WDR70: variants seen among roughly 807,000 people sequenced by gnomAD.
WDR70 encodes the protein WD repeat domain 70.
A neutral mutation model predicts 88.6 loss-of-function variants in WDR70; 53 were observed. The observed-to-expected ratio is 0.60, with a 90% CI of 0.48 to 0.75. The LOEUF (loss-of-function observed/expected upper bound fraction) is 0.75, where lower values mean the gene tolerates loss of function less well. Among genes scored for constraint, WDR70 ranks in the 30% least tolerant of loss-of-function variants. The pLI is 0.00. For synonymous variants in WDR70, 280 were observed against 270.0 expected, an observed-to-expected ratio of 1.04 and a Z score of -0.36; for missense variants, 610 against 823.2, an observed-to-expected ratio of 0.74 and a Z score of 3.17.
In WDR70 at chr5:37,437,913, T is replaced by G; in HGVS notation, c.493-9T>G. The G allele has an allele frequency of 6.2e-7, 1 of 1,601,870 alleles. No individual in the cohort carries two copies. Among genetic ancestry groups the G allele is most frequent in the Non-Finnish European group, 8.5e-7 (1 of 1,173,564 alleles). On this transcript the variant is annotated splice_polypyrimidine_tract_variant and intron_variant, in intron 5 of 17. Transcript: ENST00000265107. ...TTACCATTAATGTCATGGGGTTTTC[T>G]TGTTTCAGAATCCTGTTCACAAGAT...
At chr5:37,449,590 C>CAAA (rs376148041) in intron 7 of WDR70, among the ~76,000 whole-genome samples, 21 of 85,690 alleles carry the variant, frequency 2.5e-4, no homozygotes, top group African/African-American at 5.6e-4. Flanking sequence ...AATTTTGTCT[C>CAAA]AAAAAAAAAA....
At chr5:37,571,186 A>G (rs1156779220) in intron 9 of WDR70, among the ~76,000 whole-genome samples, 2 of 152,222 alleles carry the variant, frequency 1.3e-5, no homozygotes, top group Admixed American at 6.5e-5. Context: ...AAGTCACTTC[A>G]AAACCGAAAT....
chr5:37,665,028 G>A (rs190730165), intron 10 of WDR70, among the ~76,000 whole-genome samples: 16 of 152,160 alleles, frequency 1.1e-4, no homozygotes, highest in Non-Finnish European at 1.6e-4. Flanking sequence ...TGTTCATATT[G>A]TCAAGTGTAC....
chr5:37,616,277 C>T (rs1454617631), intron 10 of WDR70, among the ~76,000 whole-genome samples: 10 of 151,932 alleles, frequency 6.6e-5, no homozygotes, highest in Non-Finnish European at 1.2e-4. Flanking sequence ...CCACCATGCC[C>T]GGCTAATTTT....
chr5:37,746,524 A>G (rs1748641965), intron 17 of WDR70, among the ~76,000 whole-genome samples: 2 of 152,234 alleles, frequency 1.3e-5, no homozygotes, highest in African/African-American at 4.8e-5. Flanking sequence ...ATAAACTGCT[A>G]GCTAGACTAA....
intron 8 of WDR70, among the ~76,000 whole-genome samples, chr5:37,481,580 A>T (rs1016168391): frequency 6.6e-6 from 1 of 152,080 alleles, no homozygotes; most frequent in Middle Eastern, 3.2e-3. Context: ...GGCTGCACAC[A>T]GCAGGGGGTT....
At chr5:37,379,610 G>T (rs1283630024) in intron 2 of WDR70, 56 bp downstream of exon 2, 58 of 1,586,926 alleles carry the variant, frequency 3.7e-5, no homozygotes, top group Admixed American at 5.0e-5. Flanking sequence ...TTGAAGATCC[G>T]CAGAGTGGGA....
chr5:37,549,739 C>T (rs946293306), intron 9 of WDR70, among the ~76,000 whole-genome samples: 16 of 152,136 alleles, frequency 1.1e-4, no homozygotes, highest in Non-Finnish European at 2.1e-4. Flanking sequence ...AGGCTTTCAG[C>T]TTTCTCCTAT....
chr5:37,507,938 C>G (rs946029287), intron 8 of WDR70, among the ~76,000 whole-genome samples: 5 of 152,014 alleles, frequency 3.3e-5, no homozygotes, highest in African/African-American at 1.2e-4. Context: ...TTTTATTTCT[C>G]CTTTTACAAT....
intron 9 of WDR70, among the ~76,000 whole-genome samples, chr5:37,524,885 C>G (rs1269034469): frequency 6.6e-6 from 1 of 152,064 alleles, no homozygotes; most frequent in Non-Finnish European, 1.5e-5. Context: ...GAAAAGAAGG[C>G]CATTACATAA....
intron 9 of WDR70, among the ~76,000 whole-genome samples, chr5:37,602,050 C>A (rs1743898480): frequency 7.1e-6 from 1 of 141,186 alleles, no homozygotes; most frequent in Admixed American, 7.3e-5. Flanking sequence ...AGGGGAACGT[C>A]ACACACTGGG....
chr5:37,660,778 TG>T (rs760236305), intron 10 of WDR70, among the ~76,000 whole-genome samples: 8 of 152,106 alleles, frequency 5.3e-5, no homozygotes, highest in African/African-American at 9.7e-5. Context: ...AGATCTGTGC[TG>T]TCCCATATAT....
rs199828015 is a variant in WDR70, at chr5:37,736,627, T to C, written c.1877+9582T>C. Among the ~76,000 whole-genome samples, 178 of 123,636 alleles carry C rather than the reference T, an allele frequency of 1.4e-3. 2 individuals are homozygous for C. Among genetic ancestry groups the C allele is most frequent in the African/African-American group, 4.0e-3 (137 of 33,894 alleles). The allele number at this position is 123,636 out of a possible 152,430, so 81.1% of individuals were successfully genotyped here. On this transcript the variant is annotated intron_variant, in intron 17 of 17. Transcript: ENST00000265107. The stretch of plus-strand genomic sequence containing the variant: ...CGGTGTATGTAGTTTTTTTTTTTTT[T>C]CTTTTTTTTTTGCGGTGGGGGGGTT...
chr5:37,546,083 A>C (rs1373893718), intron 9 of WDR70, among the ~76,000 whole-genome samples: 1 of 152,206 alleles, frequency 6.6e-6, no homozygotes, highest in African/African-American at 2.4e-5. Flanking sequence ...TGTATTGATC[A>C]GGGAAGAGTT....
chr5:37,442,079 C>T (rs1351285195), intron 6 of WDR70, among the ~76,000 whole-genome samples: 3 of 146,264 alleles, frequency 2.1e-5, no homozygotes, highest in Non-Finnish European at 4.5e-5. Context: ...CACCTTGTTG[C>T]CCAGTTGGAG....
rs557532116 is a variant in WDR70, at chr5:37,468,045, T to A, written c.687-11789T>A. On this transcript the variant is annotated intron_variant, in intron 7 of 17. Transcript: ENST00000265107. ...TTTGTATTTTTAGTAGAGACGGGGT[T>A]TTACCATGTTAACCAGGATGGTGTC... Among the ~76,000 whole-genome samples, 61 of 151,784 alleles carry A rather than the reference T, an allele frequency of 4.0e-4. 1 individual carries two copies. Among genetic ancestry groups the A allele is most frequent in the Admixed American group, 3.3e-3 (50 of 15,224 alleles).
chr5:37,473,774 C>T (rs555481660), intron 7 of WDR70, among the ~76,000 whole-genome samples: 4 of 152,298 alleles, frequency 2.6e-5, no homozygotes, highest in African/African-American at 9.6e-5. Flanking sequence ...TCCTGGAGTA[C>T]ATTTTACATG....
At position 37,600,246 on chromosome 5, in the gene WDR70, G is replaced by A. The variant is rs142806090; in HGVS notation, c.918-4818G>A. On this transcript the variant is annotated intron_variant, in intron 9 of 17. Transcript: ENST00000265107. ...AATATTTAAAGAACATCTAGAATTC[G>A]GCTGGGTGCAGTGGCTCACTCCTGT... Among the ~76,000 whole-genome samples, 22 of 152,146 alleles carry A rather than the reference G, an allele frequency of 1.4e-4. No individual in the cohort carries two copies. In the East Asian group the frequency reaches 3.9e-3, roughly 27 times the overall value.
chr5:37,565,587 T>C (rs1742714312), intron 9 of WDR70, among the ~76,000 whole-genome samples: 1 of 152,150 alleles, frequency 6.6e-6, no homozygotes, highest in Non-Finnish European at 1.5e-5. Context: ...TTATTACACA[T>C]CAACTTGATG....
Sources: allele counts gnomAD v4.1 joint callset (sites outside exome capture counted in the v4.1 genomes callset), GRCh38; gene constraint gnomAD v4.1.1; transcripts MANE v1.5; gene names NCBI Gene and HGNC (gene_info 2026-07-23, HGNC 2026-07-21).